The following CACNG3 variants were observed in gnomAD, a reference collection of about 807,000 sequenced individuals.
CACNG3 encodes calcium voltage-gated channel auxiliary subunit gamma 3.
Under a neutral mutation model 28.5 loss-of-function variants are expected in CACNG3, and 3 were observed. The observed-to-expected ratio is 0.11, with a 90% CI of 0.05 to 0.27. CACNG3 has a LOEUF of 0.27. Among genes scored for constraint, CACNG3 ranks in the 10% least tolerant of loss-of-function variants. The pLI is 1.00. For missense variants in CACNG3, 236 were observed against 414.4 expected (o/e 0.57, Z 3.74); for synonymous variants, 174 against 162.2 (o/e 1.07, Z -0.55).
chr16:24,290,552 G>A (rs892315406), intron 1 of CACNG3, among the ~76,000 whole-genome samples: 3 of 152,332 alleles, frequency 2.0e-5, no homozygotes, highest in African/African-American at 7.2e-5. Flanking sequence ...TAATGTCTCA[G>A]AGTTTGAGTG....
chr16:24,324,091 C>T (rs983522927), intron 1 of CACNG3, among the ~76,000 whole-genome samples: 2 of 152,124 alleles, frequency 1.3e-5, no homozygotes, highest in Non-Finnish European at 2.9e-5. Context: ...TTCTTATATA[C>T]ATTTTTTATT....
Position 24,354,910 on chromosome 16 carries a change from A to G in CACNG3, c.373A>G (p.Ser125Gly). 6.2e-7 allele frequency: 1 copy of G among 1,612,482 alleles called. No individual in the cohort carries two copies. Among genetic ancestry groups the G allele is most frequent in the Non-Finnish European group, 8.5e-7 (1 of 1,180,020 alleles). Reference sequence around the variant, plus strand: ...CTTCGGCGGGCTCTGCGTGGCAGCCAGTGAGTTCCACCGCAGCAGACACAA... The same window carrying G: ...CTTCGGCGGGCTCTGCGTGGCAGCCGGTGAGTTCCACCGCAGCAGACACAA... Reference protein sequence around the residue: ...LFFGGLCVAASEFHRSRHNVI... With the variant: ...LFFGGLCVAAGEFHRSRHNVI... The change falls in exon 3 of 4, where the codon AGT becomes GGT. Residue 125 changes from serine (S) to glycine (G), a missense_variant. By Grantham distance (56) the Ser-to-Gly change is moderately conservative. Coordinates refer to ENST00000005284, the MANE Select transcript of CACNG3 (RefSeq NM_006539.4).
chr16:24,265,363 G>GA (rs1263475324), intron 1 of CACNG3, among the ~76,000 whole-genome samples: 1 of 128,182 alleles, frequency 7.8e-6, no homozygotes, highest in Non-Finnish European at 1.6e-5. Context: ...AAGAAAGAAA[G>GA]AAAGAAAAAA....
In CACNG3 at chr16:24,265,545, G is replaced by A. The variant is rs1302320560; in HGVS notation, c.211+8580G>A. 2.0e-5 allele frequency among the ~76,000 whole-genome samples: 3 copies of A among 152,090 alleles called. No homozygotes were observed. In the South Asian group the frequency reaches 6.2e-4, roughly 31 times the overall value. On this transcript the variant is annotated intron_variant, in intron 1 of 3. Coordinates refer to ENST00000005284, the MANE Select transcript of CACNG3 (RefSeq NM_006539.4). ...AGAAGAAAGCAAGCTAGCTCACTCA[G>A]TGGTGTATATATATATTATGATGTG... is the stretch of plus-strand genomic sequence containing the variant.
chr16:24,322,327 A>C (rs886429599), intron 1 of CACNG3, among the ~76,000 whole-genome samples: 3 of 152,168 alleles, frequency 2.0e-5, no homozygotes, highest in Non-Finnish European at 2.9e-5. Flanking sequence ...CTATCAGGTC[A>C]TTAGCGCCTC....
chr16:24,328,058 G>A lies in CACNG3; in HGVS notation c.212-18676G>A, dbSNP rs114389563. On this transcript the variant is annotated intron_variant, in intron 1 of 3. Coordinates refer to ENST00000005284, the MANE Select transcript of CACNG3 (RefSeq NM_006539.4). ...CTATGTGCCAGGTCCTGGGAAGACA[G>A]TGGTGAGCAAGACAGAGATGCTCTT... 3.8e-3 allele frequency among the ~76,000 whole-genome samples: 578 copies of A among 152,332 alleles called. 2 individuals are homozygous for A. Among genetic ancestry groups the A allele is most frequent in the African/African-American group, 0.013 (561 of 41,568 alleles).
chr16:24,281,535 A>G (rs928633282), intron 1 of CACNG3, among the ~76,000 whole-genome samples: 2 of 152,172 alleles, frequency 1.3e-5, no homozygotes, highest in African/African-American at 4.8e-5. Context: ...ATCCAGCATA[A>G]CAGCATGAGT....
At chr16:24,297,941 C>T (rs1899054530) in intron 1 of CACNG3, among the ~76,000 whole-genome samples, 2 of 151,966 alleles carry the variant, frequency 1.3e-5, no homozygotes, top group Non-Finnish European at 2.9e-5. Context: ...TGAGGGTCCT[C>T]AGCCTGGGCC....
chr16:24,349,956 A>G (rs1899919217), intron 2 of CACNG3, among the ~76,000 whole-genome samples: 1 of 152,222 alleles, frequency 6.6e-6, no homozygotes, highest in Non-Finnish European at 1.5e-5. Context: ...AGAAAGTCCT[A>G]TTCAGACTCC....
chr16:24,289,259 C>A (rs757810134), intron 1 of CACNG3, among the ~76,000 whole-genome samples: 51 of 146,106 alleles, frequency 3.5e-4, no homozygotes, highest in Non-Finnish European at 5.7e-4. Flanking sequence ...GGTCTTTGGC[C>A]AAATGCAATC....
chr16:24,334,180 C>T lies in CACNG3; in HGVS notation c.212-12554C>T, dbSNP rs74013180. ...AAGAGTTCTAGCAAAAGACCTACAA[C>T]GCTGGACCCTAGGTTCCTGTTGGCC... On this transcript the variant is annotated intron_variant, in intron 1 of 3. Transcript: ENST00000005284. Among the ~76,000 whole-genome samples the T allele has an allele frequency of 5.8e-3, 889 of 152,294 alleles. 8 individuals carry two copies. Among genetic ancestry groups the T allele is most frequent in the African/African-American group, 0.02 (839 of 41,578 alleles).
At chr16:24,355,249 A>G (rs1900014159) in intron 3 of CACNG3, among the ~76,000 whole-genome samples, 2 of 151,960 alleles carry the variant, frequency 1.3e-5, no homozygotes, top group African/African-American at 4.8e-5. Context: ...AGGAGAGAGA[A>G]AGAGAAAAGG....
rs1899605809 is a variant in CACNG3, at chr16:24,329,627, CT to C, written c.212-17101del. The stretch of plus-strand genomic sequence containing the variant: ...TTTTCTTTAACTCTTCCTGCATTAC[CT>C]TTTTTAATGAAGAAAGTGTCACATT... On this transcript the variant is annotated intron_variant, in intron 1 of 3. Coordinates refer to ENST00000005284, the MANE Select transcript of CACNG3 (RefSeq NM_006539.4). 2.0e-5 allele frequency among the ~76,000 whole-genome samples: 3 copies of C among 152,168 alleles called. No individual in the cohort carries two copies. The South Asian group carries it at 6.2e-4, about 32-fold the overall frequency.
intron 1 of CACNG3, among the ~76,000 whole-genome samples, chr16:24,317,648 A>AAAG (rs1491194402): frequency 0.1 from 5,432 of 54,452 alleles, 549 homozygotes; most frequent in Middle Eastern, 0.12. Flanking sequence ...GAAAGAAAAG[A>AAAG]AAAGAAAGAA....
At position 24,317,294 on chromosome 16, in the gene CACNG3, C is replaced by G. The variant is rs552162393; in HGVS notation, c.212-29440C>G. The stretch of plus-strand genomic sequence containing the variant: ...TGGTGGCTCCCACCTGTAATCCCAG[C>G]ACTTTGGGAGGCCAAAACGGGCGGA... On this transcript the variant is annotated intron_variant, in intron 1 of 3. Transcript: ENST00000005284. Among the ~76,000 whole-genome samples the G allele has an allele frequency of 1.2e-4, 18 of 152,212 alleles. No homozygotes were observed. In the East Asian group the frequency reaches 3.3e-3, roughly 28 times the overall value.
At chr16:24,277,174 AC>A (rs1432679322) in intron 1 of CACNG3, among the ~76,000 whole-genome samples, 1 of 152,052 alleles carries the variant, frequency 6.6e-6, no homozygotes, top group Non-Finnish European at 1.5e-5. Context: ...TTGCCATGTC[AC>A]CCTGTCCTCA....
chr16:24,319,265 G>C (rs1055409757), intron 1 of CACNG3, among the ~76,000 whole-genome samples: 1 of 152,168 alleles, frequency 6.6e-6, no homozygotes, highest in African/African-American at 2.4e-5. Flanking sequence ...TAGGCAGGGA[G>C]GTAAAGGAAG....
At chr16:24,354,623 A>C (rs567436844) in intron 2 of CACNG3, among the ~76,000 whole-genome samples, 1 of 152,226 alleles carries the variant, frequency 6.6e-6, no homozygotes, top group East Asian at 1.9e-4. Context: ...AATCGTTAAG[A>C]CTCTCAGAAT....
intron 3 of CACNG3, among the ~76,000 whole-genome samples, chr16:24,360,359 C>T (rs183221556): frequency 6.0e-4 from 91 of 152,328 alleles, no homozygotes; most frequent in African/African-American, 1.9e-3. Flanking sequence ...AAACTGATTC[C>T]TCTCCAGTGG....
Sources: allele counts gnomAD v4.1 joint callset (sites outside exome capture counted in the v4.1 genomes callset), GRCh38; gene constraint gnomAD v4.1.1; transcripts MANE v1.5; gene names NCBI Gene and HGNC (gene_info 2026-07-23, HGNC 2026-07-21).